Variants in CDH17 observed in about 807,000 individuals in gnomAD.
CDH17 encodes the protein cadherin-17.
Under a neutral mutation model 86.3 loss-of-function variants are expected in CDH17, and 67 were observed. The ratio of observed to expected loss-of-function variants is 0.78; its 90% CI spans 0.64 to 0.95. The LOEUF is 0.95. Ranked by LOEUF, CDH17 falls within the 40% of genes least tolerant of loss-of-function variation. The pLI, the probability that CDH17 is intolerant of heterozygous loss-of-function variation, is 0.00. For missense variants in CDH17, 993 were observed against 1,017.6 expected (o/e 0.98, Z 0.33); for synonymous variants, 367 against 366.4 (o/e 1.00, Z -0.02).
intron 5 of CDH17, among the ~76,000 whole-genome samples, chr8:94,175,006 C>T (rs1027518288): frequency 2.0e-5 from 3 of 152,108 alleles, no homozygotes; most frequent in Admixed American, 6.6e-5. Flanking sequence ...GCTCATGAGA[C>T]TCAGTTGTTG....
intron 7 of CDH17, among the ~76,000 whole-genome samples, chr8:94,172,338 T>A (rs889406824): frequency 1.3e-5 from 2 of 151,874 alleles, no homozygotes; most frequent in Admixed American, 1.3e-4. Flanking sequence ...CCTCCTGAAG[T>A]TGAAGTTCAT....
chr8:94,205,444 C>G (rs546302016), intron 1 of CDH17, among the ~76,000 whole-genome samples: 1 of 151,424 alleles, frequency 6.6e-6, no homozygotes, highest in Admixed American at 6.6e-5. Context: ...ACTGAAGGAT[C>G]GAAAGAAAGA....
chr8:94,211,733 G>A (rs891769872), upstream of CDH17, among the ~76,000 whole-genome samples: 2 of 152,104 alleles, frequency 1.3e-5, no homozygotes, highest in Non-Finnish European at 2.9e-5. Context: ...ATTTTATCAT[G>A]AGTCCATCAA....
intron 12 of CDH17, among the ~76,000 whole-genome samples, chr8:94,156,317 G>C (rs2879671): frequency 0.2 from 30,410 of 152,096 alleles, 3,661 homozygotes; most frequent in African/African-American, 0.32. Flanking sequence ...CATTTGGTCT[G>C]GTTAAAAATA....
At position 94,196,980 on chromosome 8, in the gene CDH17, C is replaced by T. The variant is rs1797020858; in HGVS notation, c.-20-2275G>A. Among the ~76,000 whole-genome samples the T allele has an allele frequency of 2.0e-5, 3 of 152,266 alleles. No homozygotes were observed. In the South Asian group the frequency reaches 6.2e-4, roughly 32 times the overall value. On this transcript the variant is annotated intron_variant, in intron 1 of 17. Transcript: ENST00000027335. Reference sequence around the variant, plus strand: ...TCACACCTGGTCCAACCAATCTCTCCGGCCCTGTGTAAATCAGATACCGCC... The same window carrying T: ...TCACACCTGGTCCAACCAATCTCTCTGGCCCTGTGTAAATCAGATACCGCC...
intron 2 of CDH17, among the ~76,000 whole-genome samples, chr8:94,190,557 G>T (rs953059176): frequency 1.3e-5 from 2 of 152,186 alleles, no homozygotes; most frequent in Admixed American, 6.5e-5. Flanking sequence ...ACGACTTTGG[G>T]TCTCCCATTT....
chr8:94,214,180 A>G (rs968534296), intron 1 of CDH17, among the ~76,000 whole-genome samples: 2 of 152,140 alleles, frequency 1.3e-5, no homozygotes, highest in African/African-American at 4.8e-5. Context: ...CCTTCATGTT[A>G]GCCCTGGTGG....
intron 2 of CDH17, among the ~76,000 whole-genome samples, chr8:94,193,732 G>A (rs948003948): frequency 6.6e-6 from 1 of 152,192 alleles, no homozygotes; most frequent in African/African-American, 2.4e-5. Context: ...CCTGCAGGCT[G>A]TGAGGACTCA....
At chr8:94,162,216 T>A in intron 10 of CDH17, 54 bp from the exon 11 acceptor site, 2 of 1,157,778 alleles carry the variant, frequency 1.7e-6, no homozygotes, top group Non-Finnish European at 2.6e-6. Context: ...CATGCATTAA[T>A]ATCAGAAATC....
chr8:94,166,397 A>C (rs1204614005), intron 9 of CDH17, among the ~76,000 whole-genome samples: 1 of 152,188 alleles, frequency 6.6e-6, no homozygotes, highest in African/African-American at 2.4e-5. Flanking sequence ...ATTAGGGCCC[A>C]CTGTAAGGAC....
chr8:94,204,596 G>A (rs6987887), intron 1 of CDH17, among the ~76,000 whole-genome samples: 10,535 of 152,116 alleles, frequency 0.069, 1,199 homozygotes, highest in African/African-American at 0.24. Context: ...AAATAGTGCT[G>A]CAATAAACAC....
chr8:94,212,498 A>AG (rs538239016), upstream of CDH17, among the ~76,000 whole-genome samples: 35 of 84,326 alleles, frequency 4.2e-4, no homozygotes, highest in Middle Eastern at 0.034. Context: ...TCTGTTGTTG[A>AG]GTTTTTTTTT....
chr8:94,145,755 C>A (rs1812728752), intron 15 of CDH17, among the ~76,000 whole-genome samples, 173 bp downstream of exon 15: 1 of 152,138 alleles, frequency 6.6e-6, no homozygotes, highest in Non-Finnish European at 1.5e-5. Context: ...CCCTTGAAAT[C>A]CTGGGGCTTT....
At chr8:94,200,490 G>GCA (rs1190532928) in intron 1 of CDH17, among the ~76,000 whole-genome samples, 1 of 136,218 alleles carries the variant, frequency 7.3e-6, no homozygotes, top group Non-Finnish European at 1.5e-5. Context: ...GAGAGACCAA[G>GCA]CACACCCTTT....
chr8:94,184,040 T>TAAAAA (rs567593599), intron 3 of CDH17, among the ~76,000 whole-genome samples: 35 of 138,680 alleles, frequency 2.5e-4, no homozygotes, highest in African/African-American at 9.2e-4. Flanking sequence ...TAGCTATAAT[T>TAAAAA]AAAAAAAAAA....
intron 15 of CDH17, among the ~76,000 whole-genome samples, chr8:94,136,923 C>T (rs1293517312): frequency 3.3e-5 from 5 of 152,210 alleles, no homozygotes; most frequent in Non-Finnish European, 4.4e-5. Flanking sequence ...CCACTCCAGA[C>T]CCTGTTTGCC....
At chr8:94,155,090 G>A (rs1307468261) in intron 12 of CDH17, among the ~76,000 whole-genome samples, 1 of 152,078 alleles carries the variant, frequency 6.6e-6, no homozygotes, top group African/African-American at 2.4e-5. Context: ...ATTGAAATTT[G>A]TTCAAATATA....
intron 13 of CDH17, 126 bp downstream of exon 13, chr8:94,151,742 C>A (rs1812859216): frequency 7.8e-7 from 1 of 1,280,112 alleles, no homozygotes; most frequent in Non-Finnish European, 1.1e-6. Flanking sequence ...TAAACCAAAG[C>A]CAATTTCATC....
Position 94,159,842 on chromosome 8 carries a change from C to T in CDH17, c.1551+129G>A, listed in dbSNP as rs1190981834. ...GAACGACTAAGAGGAATCCAGGAAT[C>T]CAGGAACCCATCACCATGCCTGAGA... is the stretch of plus-strand genomic sequence containing the variant. On this transcript the variant is annotated intron_variant, in intron 12 of 17. Coordinates refer to ENST00000027335, the MANE Select transcript of CDH17 (RefSeq NM_004063.4). 4 of 604,790 alleles carry T rather than the reference C, an allele frequency of 6.6e-6. 1 individual carries two copies. In the East Asian group the frequency reaches 1.3e-4, roughly 19 times the overall value. The allele number at this position is 604,790 out of a possible 1,614,324, so 37.5% of individuals were successfully genotyped here. A position where few individuals can be genotyped will look rare whatever the true frequency, so the allele number is the denominator to read the frequency against.
Sources: gnomAD v4.1 joint callset for allele counts (sites outside exome capture counted in the v4.1 genomes callset) on GRCh38, gnomAD v4.1.1 for gene constraint, MANE v1.5 for transcripts, NCBI Gene and HGNC (gene_info 2026-07-23, HGNC 2026-07-21) for gene names.